DRD2: variants seen among roughly 807,000 people sequenced by gnomAD.
DRD2 encodes D(2) dopamine receptor.
In DRD2, 8 loss-of-function variants were observed where a neutral mutation model predicts 38.0. That is an observed-to-expected ratio of 0.21 (90% CI 0.12 to 0.38). The LOEUF (loss-of-function observed/expected upper bound fraction) is 0.38, where lower values mean the gene tolerates loss of function less well. Ranked by LOEUF, DRD2 falls within the 10% of genes least tolerant of loss-of-function variation. The probability of loss-of-function intolerance (pLI) is 1.00; values close to 1 mark genes in which losing one functional copy is unlikely to be tolerated. For missense variants in DRD2, 403 were observed against 607.7 expected (o/e 0.66, Z 3.54); for synonymous variants, 230 against 238.6 (o/e 0.96, Z 0.33).
At chr11:113,468,907 CA>C in intron 1 of DRD2, among the ~76,000 whole-genome samples, 1 of 152,322 alleles carries the variant, frequency 6.6e-6, no homozygotes, top group African/African-American at 2.4e-5. Context: ...TCCAGGATCC[CA>C]GGCCATCCCG....
rs1380472248 is a variant in DRD2, at chr11:113,418,136, C to G, written c.286G>C (p.Val96Leu). 6.2e-7 allele frequency: 1 copy of G among 1,613,312 alleles called. No individual in the cohort carries two copies. Among genetic ancestry groups the G allele is most frequent in the Non-Finnish European group, 8.5e-7 (1 of 1,179,362 alleles). ...LVMPWVVYLE[V>L]VGEWKFSRIH... ...CTGCTGAATTTCCACTCACCTACCA[C>G]CTGGGGACAAAGCAACATAATGGAT... The change falls in exon 3 of 8, where the codon GTG becomes CTG. Residue 96 changes from valine (V) to leucine (L), a missense_variant and splice_region_variant. Physicochemically the swap from Val to Leu is conservative, Grantham distance 32. This residue lies in a region of DRD2 where 162 missense variants were observed against 254.5 expected (regional missense o/e 0.64). Coordinates refer to ENST00000362072, the MANE Select transcript of DRD2 (RefSeq NM_000795.4).
At position 113,458,739 on chromosome 11, in the gene DRD2, A is replaced by G. The variant is rs548652105; in HGVS notation, c.-32+16337T>C. Among the ~76,000 whole-genome samples the G allele has an allele frequency of 1.2e-3, 178 of 152,358 alleles. 1 individual carries two copies. Among genetic ancestry groups the G allele is most frequent in the Middle Eastern group, 3.4e-3 (1 of 294 alleles). On this transcript the variant is annotated intron_variant, in intron 1 of 7. Coordinates refer to ENST00000362072, the MANE Select transcript of DRD2 (RefSeq NM_000795.4). ...TTTTGGCACTGTGGACTATACTTCTATATTTAAAAGCAGTCTCCAACTTAC... is the reference window on the plus strand; with the variant it reads ...TTTTGGCACTGTGGACTATACTTCTGTATTTAAAAGCAGTCTCCAACTTAC...
intron 1 of DRD2, among the ~76,000 whole-genome samples, chr11:113,433,290 C>A (rs1293405179): frequency 6.6e-6 from 1 of 152,098 alleles, no homozygotes; most frequent in Non-Finnish European, 1.5e-5. Context: ...AGCAGTCACT[C>A]CTGAGGGAAG....
At chr11:113,457,198 C>A (rs1014391467) in intron 1 of DRD2, among the ~76,000 whole-genome samples, 4 of 152,206 alleles carry the variant, frequency 2.6e-5, no homozygotes, top group Non-Finnish European at 4.4e-5. Flanking sequence ...AGTCACTCAA[C>A]CTCTGTGAGG....
chr11:113,436,346 G>C (rs1172601779), intron 1 of DRD2, among the ~76,000 whole-genome samples: 1 of 152,170 alleles, frequency 6.6e-6, no homozygotes, highest in Non-Finnish European at 1.5e-5. Flanking sequence ...GGAGTGGGGA[G>C]AGCCTCTAGA....
intron 2 of DRD2, among the ~76,000 whole-genome samples, chr11:113,421,042 C>A (rs1950879757): frequency 6.6e-6 from 1 of 152,148 alleles, no homozygotes. Context: ...ACACTTGATG[C>A]TTATATCTTA....
intron 1 of DRD2, among the ~76,000 whole-genome samples, chr11:113,428,815 G>A (rs1950961298): frequency 6.6e-6 from 1 of 152,054 alleles, no homozygotes; most frequent in Admixed American, 6.5e-5. Context: ...TTGTAGAGAT[G>A]GGGGTCTCAC....
intron 1 of DRD2, among the ~76,000 whole-genome samples, chr11:113,466,493 A>G (rs1212578600): frequency 1.3e-5 from 2 of 152,078 alleles, no homozygotes; most frequent in Non-Finnish European, 2.9e-5. Flanking sequence ...ATATTCCCCA[A>G]CTTCCATGCC....
chr11:113,444,632 C>T (rs1216212613), intron 1 of DRD2, among the ~76,000 whole-genome samples: 1 of 152,190 alleles, frequency 6.6e-6, no homozygotes, highest in Non-Finnish European at 1.5e-5. Context: ...CTTTTACACT[C>T]CATGGGCCAT....
At chr11:113,472,500 T>C (rs746125988) in intron 1 of DRD2, among the ~76,000 whole-genome samples, 1 of 152,232 alleles carries the variant, frequency 6.6e-6, no homozygotes, top group Non-Finnish European at 1.5e-5. Flanking sequence ...ATAATTGCAT[T>C]TTCTAGACAG....
At chr11:113,474,715 G>A (rs552276488) in intron 1 of DRD2, among the ~76,000 whole-genome samples, 44 of 152,074 alleles carry the variant, frequency 2.9e-4, no homozygotes, top group African/African-American at 9.9e-4. Context: ...GCCCTCCCGA[G>A]ATTGTGGGGA....
At position 113,412,491 on chromosome 11, in the gene DRD2, A is replaced by C. The variant is rs57666437; in HGVS notation, c.1138+65T>G. The C allele has an allele frequency of 8.2e-3, 12,980 of 1,578,046 alleles. 922 individuals carry two copies. In the African/African-American group the frequency reaches 0.15, roughly 19 times the overall value. The stretch of plus-strand genomic sequence containing the variant: ...CATGATCCTGCAGCCATGGTTAGGA[A>C]GGACATGGCAGGGAATGGGACCTTT... On this transcript the variant is annotated intron_variant, in intron 7 of 7. Transcript: ENST00000362072.
chr11:113,454,829 T>C (rs1951253265), intron 1 of DRD2, among the ~76,000 whole-genome samples: 1 of 152,122 alleles, frequency 6.6e-6, no homozygotes, highest in African/African-American at 2.4e-5. Context: ...AGTAAACCCA[T>C]GCATCTATAG....
chr11:113,417,044 C>A, intron 3 of DRD2, 45 bp from the exon 4 acceptor site: 1 of 1,606,152 alleles, frequency 6.2e-7, no homozygotes, highest in Non-Finnish European at 8.5e-7. Context: ...GGCCCAGGGA[C>A]CCCTCACTCC....
intron 1 of DRD2, among the ~76,000 whole-genome samples, chr11:113,441,285 C>G (rs1458331500): frequency 6.6e-6 from 1 of 152,130 alleles, no homozygotes; most frequent in East Asian, 1.9e-4. Context: ...CTGCTAAAAC[C>G]TTTTTCCTTT....
chr11:113,410,626 C>A lies in DRD2; in HGVS notation c.*101G>T. On this transcript the variant is annotated 3_prime_UTR_variant, in exon 8 of 8. Coordinates refer to ENST00000362072, the MANE Select transcript of DRD2 (RefSeq NM_000795.4). ...AGGGCCTGCCGGGGTGAAGAGGAGGCCGATCCACCCAGGCCTTCCTGCTCA... is the reference window on the plus strand; with the variant it reads ...AGGGCCTGCCGGGGTGAAGAGGAGGACGATCCACCCAGGCCTTCCTGCTCA... The A allele has an allele frequency of 3.4e-6, 5 of 1,476,342 alleles. No homozygotes were observed. Among genetic ancestry groups the A allele is most frequent in the Non-Finnish European group, 4.7e-6 (5 of 1,058,562 alleles). The allele number at this position is 1,476,342 out of a possible 1,614,324, so 91.5% of individuals were successfully genotyped here. A position where few individuals can be genotyped will look rare whatever the true frequency, so the allele number is the denominator to read the frequency against.
At chr11:113,424,317 T>G (rs764292347) in intron 2 of DRD2, 50 bp downstream of exon 2, 5 of 1,593,648 alleles carry the variant, frequency 3.1e-6, no homozygotes, top group East Asian at 2.3e-5. Context: ...CAGTGTCCAG[T>G]GCAGGGCCCT....
At chr11:113,455,453 A>G (rs1951260469) in intron 1 of DRD2, among the ~76,000 whole-genome samples, 1 of 152,222 alleles carries the variant, frequency 6.6e-6, no homozygotes, top group Non-Finnish European at 1.5e-5. Context: ...AAAAATCAAC[A>G]AACTGAATTA....
chr11:113,444,212 T>A (rs926137131), intron 1 of DRD2, among the ~76,000 whole-genome samples: 1 of 152,100 alleles, frequency 6.6e-6, no homozygotes, highest in Non-Finnish European at 1.5e-5. Context: ...ATTTTTATGT[T>A]TTTTAGTAGA....
Sources: allele counts gnomAD v4.1 joint callset (sites outside exome capture counted in the v4.1 genomes callset), GRCh38; gene constraint gnomAD v4.1.1; regional missense constraint gnomAD v4.1.1; transcripts MANE v1.5; gene names NCBI Gene and HGNC (gene_info 2026-07-23, HGNC 2026-07-21).